Variants in RTN4 observed in about 807,000 individuals in gnomAD.
RTN4 encodes reticulon-4.
Under a neutral mutation model 90.4 loss-of-function variants are expected in RTN4, and 32 were observed. The observed-to-expected ratio is 0.35, with a 90% CI of 0.27 to 0.48. The LOEUF is 0.48. Among genes scored for constraint, RTN4 ranks in the 20% least tolerant of loss-of-function variants. The pLI is 0.99. For synonymous variants in RTN4, 629 were observed against 552.5 expected (o/e 1.14, Z -1.94); for missense variants, 1,706 against 1,430.2 (o/e 1.19, Z -3.11).
At chr2:55,136,159 T>C in the RTN4 span, among the ~76,000 whole-genome samples, 3 of 152,080 alleles carry the variant, frequency 2.0e-5, no homozygotes, top group Non-Finnish European at 4.4e-5. Context: ...ATCTCAGAAG[T>C]TGGGTGAGTG....
chr2:55,093,810 G>C (rs192810918), intron 1 of RTN4, among the ~76,000 whole-genome samples: 24 of 152,330 alleles, frequency 1.6e-4, no homozygotes, highest in African/African-American at 5.3e-4. Flanking sequence ...GTCTGGCAAG[G>C]ATATAATGCA....
At chr2:54,977,268 C>T (rs1008092153) in intron 5 of RTN4, among the ~76,000 whole-genome samples, 1 of 152,188 alleles carries the variant, frequency 6.6e-6, no homozygotes, top group Non-Finnish European at 1.5e-5. Context: ...ATATCCCCAG[C>T]CCACTTCCTT....
chr2:55,133,124 T>A, the RTN4 span, among the ~76,000 whole-genome samples: 1 of 152,020 alleles, frequency 6.6e-6, no homozygotes, highest in Admixed American at 6.6e-5. Context: ...AGCAGGAGAA[T>A]CACTTGAACC....
chr2:55,029,149 C>G (rs956664433), intron 1 of RTN4, among the ~76,000 whole-genome samples: 1 of 152,100 alleles, frequency 6.6e-6, no homozygotes, highest in Non-Finnish European at 1.5e-5. Context: ...CAGGCACACA[C>G]AAGAGGTCAT....
At chr2:55,122,562 G>A in the RTN4 span, among the ~76,000 whole-genome samples, 10 of 152,208 alleles carry the variant, frequency 6.6e-5, no homozygotes, top group Admixed American at 1.3e-4. Flanking sequence ...CTGATGAGAC[G>A]ATGGAGCAGG....
the RTN4 span, among the ~76,000 whole-genome samples, chr2:55,123,226 T>C: frequency 6.6e-6 from 1 of 152,194 alleles, no homozygotes; most frequent in Non-Finnish European, 1.5e-5. Context: ...GAAACCACTT[T>C]TGATTCTTGT....
chr2:55,104,916 C>G (rs1372330164), intron 1 of RTN4, among the ~76,000 whole-genome samples: 1 of 151,814 alleles, frequency 6.6e-6, no homozygotes, highest in African/African-American at 2.4e-5. Context: ...AAGCGATCTC[C>G]CCACCTCAGC....
chr2:54,993,293 C>T (rs62134847), intron 3 of RTN4, among the ~76,000 whole-genome samples: 2 of 152,050 alleles, frequency 1.3e-5, no homozygotes, highest in Non-Finnish European at 2.9e-5. Context: ...TGTTTCTATT[C>T]GGTACTACTG....
chr2:54,979,263 G>T (rs1677925804), intron 5 of RTN4, among the ~76,000 whole-genome samples: 1 of 151,156 alleles, frequency 6.6e-6, no homozygotes, highest in South Asian at 2.1e-4. Context: ...TCACAATGTT[G>T]CCTAGGCTGG....
chr2:55,057,937 T>G (rs1003317178), intron 2 of RTN4, among the ~76,000 whole-genome samples: 7 of 152,160 alleles, frequency 4.6e-5, no homozygotes, highest in African/African-American at 1.7e-4. Flanking sequence ...AAGGCATGAT[T>G]GTACCATTGC....
intron 2 of RTN4, among the ~76,000 whole-genome samples, chr2:55,058,952 C>T (rs112200702): frequency 0.013 from 2,029 of 152,004 alleles, 40 homozygotes; most frequent in African/African-American, 0.043. Flanking sequence ...AAGTGATCGT[C>T]GCCACCTCGG....
rs71410416 is a variant in RTN4 at position 55,066,169 on chromosome 2, T to TTG, written c.-63+14318_-63+14319dup. 5.6e-3 allele frequency among the ~76,000 whole-genome samples: 794 copies of TTG among 142,344 alleles called. 5 individuals are homozygous for TTG. The highest frequency in any genetic ancestry group is 0.019 in the African/African-American group (708 of 37,178). The allele number at this position is 142,344 out of a possible 152,430, so 93.4% of individuals were successfully genotyped here. A position where few individuals can be genotyped will look rare whatever the true frequency, so the allele number is the denominator to read the frequency against. ...AAGTAGTTTGTTAGTATGAACCCAT[T>TTG]TGTGTGTGTGTGTGTGTGTGTGTTT... On this transcript the variant is annotated intron_variant, in intron 2 of 3. Transcript: ENST00000427710.
intron 1 of RTN4, among the ~76,000 whole-genome samples, chr2:55,038,685 G>T (rs1355540692): frequency 6.6e-6 from 1 of 152,118 alleles, no homozygotes; most frequent in Non-Finnish European, 1.5e-5. Context: ...AGTGGTTGGG[G>T]GAACAGTTAA....
upstream of RTN4, among the ~76,000 whole-genome samples, chr2:55,117,454 C>CT: frequency 6.6e-6 from 1 of 152,318 alleles, no homozygotes; most frequent in African/African-American, 2.4e-5. Flanking sequence ...AATCCTGACT[C>CT]GGCAGCATCC....
At chr2:55,110,116 C>T (rs1351773711) in intron 1 of RTN4, among the ~76,000 whole-genome samples, 1 of 152,004 alleles carries the variant, frequency 6.6e-6, no homozygotes, top group Non-Finnish European at 1.5e-5. Flanking sequence ...CGAGACCAGC[C>T]TGGGCAACAT....
At chr2:54,988,186 G>C (rs750746884) in intron 3 of RTN4, among the ~76,000 whole-genome samples, 1 of 152,068 alleles carries the variant, frequency 6.6e-6, no homozygotes. Flanking sequence ...GCATGGTGGC[G>C]CATGCCTGTA....
chr2:55,109,672 G>T (rs1668000906), intron 1 of RTN4, among the ~76,000 whole-genome samples: 2 of 151,220 alleles, frequency 1.3e-5, no homozygotes, highest in East Asian at 3.9e-4. Context: ...GGAGCAAGGG[G>T]GTGTTACTGT....
the RTN4 span, among the ~76,000 whole-genome samples, chr2:55,125,154 C>A: frequency 1.3e-5 from 2 of 152,044 alleles, no homozygotes; most frequent in Admixed American, 6.5e-5. Context: ...ACTATAAAAA[C>A]CCTGGAAGAC....
At chr2:55,071,459 A>G (rs1038245923) in intron 2 of RTN4, among the ~76,000 whole-genome samples, 3 of 151,502 alleles carry the variant, frequency 2.0e-5, no homozygotes, top group African/African-American at 7.3e-5. Context: ...ACATTAACAA[A>G]CAACCCTGTG....
Sources: gnomAD v4.1 joint callset for allele counts (sites outside exome capture counted in the v4.1 genomes callset) on GRCh38, gnomAD v4.1.1 for gene constraint, MANE v1.5 for transcripts, NCBI Gene and HGNC (gene_info 2026-07-23, HGNC 2026-07-21) for gene names.